CSMD1: variants seen among roughly 807,000 people sequenced by gnomAD.
CSMD1 encodes CUB and sushi domain-containing protein 1.
Under a neutral mutation model 417.5 loss-of-function variants are expected in CSMD1, and 213 were observed. That is an observed-to-expected ratio of 0.51 (90% CI 0.46 to 0.57). CSMD1 has a LOEUF of 0.57. Ranked by LOEUF, CSMD1 falls within the 20% of genes least tolerant of loss-of-function variation. CSMD1 has a pLI of 0.00. For synonymous variants in CSMD1, 2,862 were observed against 1,736.8 expected (o/e 1.65, Z -16.11); for missense variants, 6,923 against 4,529.7 (o/e 1.53, Z -15.17).
chr8:4,064,624 G>A (rs1273998055), intron 3 of CSMD1, among the ~76,000 whole-genome samples: 1 of 152,136 alleles, frequency 6.6e-6, no homozygotes, highest in African/African-American at 2.4e-5. Context: ...CCCAACACCT[G>A]TGCCTTCACA....
At chr8:4,612,290 C>G (rs144092536) in intron 2 of CSMD1, among the ~76,000 whole-genome samples, 2 of 152,192 alleles carry the variant, frequency 1.3e-5, no homozygotes, top group African/African-American at 4.8e-5. Context: ...GCTAAAACTT[C>G]AAAAATACCT....
chr8:3,096,930 C>G lies in CSMD1; in HGVS notation c.7057G>C (p.Val2353Leu), dbSNP rs1328029196. The G allele has an allele frequency of 2.6e-6, 4 of 1,556,450 alleles. No homozygotes were observed. Among genetic ancestry groups the G allele is most frequent in the Non-Finnish European group, 3.5e-6 (4 of 1,148,870 alleles). Residue 2353 changes from valine to leucine, a missense_variant, in exon 47 of 70, where the codon GTG (valine) becomes CTG (leucine). Coordinates refer to ENST00000635120, the MANE Select transcript of CSMD1 (RefSeq NM_033225.6). ...NSQTCSWSIK[V>L]EPNYNITIFV... ...ATGGTAATGTTGTAGTTTGGTTCCACTTTAATACTCCAAGAGCAAGTCTGG... is the reference window on the plus strand; with the variant it reads ...ATGGTAATGTTGTAGTTTGGTTCCAGTTTAATACTCCAAGAGCAAGTCTGG...
chr8:3,306,019 A>T (rs1021245742), intron 25 of CSMD1, among the ~76,000 whole-genome samples: 2 of 152,062 alleles, frequency 1.3e-5, no homozygotes, highest in African/African-American at 4.8e-5. Context: ...CAGAAACACC[A>T]TCCTAAGATG....
chr8:3,922,228 T>C (rs932845746), intron 5 of CSMD1, among the ~76,000 whole-genome samples: 1 of 152,126 alleles, frequency 6.6e-6, no homozygotes. Context: ...TGCATAAAAA[T>C]ATCCTTTTCT....
At chr8:3,993,096 G>T (rs1185521736) in intron 5 of CSMD1, among the ~76,000 whole-genome samples, 1 of 152,216 alleles carries the variant, frequency 6.6e-6, no homozygotes, top group Non-Finnish European at 1.5e-5. Flanking sequence ...GTCTGAAAAT[G>T]AGTTAGCAGC....
intron 5 of CSMD1, among the ~76,000 whole-genome samples, chr8:3,920,806 A>T (rs1056468987): frequency 6.6e-6 from 1 of 152,126 alleles, no homozygotes; most frequent in Admixed American, 6.6e-5. Flanking sequence ...ACAACCTTGC[A>T]TCCCAGCGAT....
chr8:3,494,600 ATAG>A (rs1173203389), intron 10 of CSMD1, among the ~76,000 whole-genome samples: 2 of 142,398 alleles, frequency 1.4e-5, no homozygotes, highest in African/African-American at 5.1e-5. Flanking sequence ...AGATAGATAG[ATAG>A]ATAGATGACA....
At chr8:4,081,396 T>C (rs1291612643) in intron 3 of CSMD1, among the ~76,000 whole-genome samples, 2 of 152,184 alleles carry the variant, frequency 1.3e-5, no homozygotes, top group African/African-American at 2.4e-5. Context: ...TAGATGATTA[T>C]AAAAGGCTTT....
chr8:3,766,834 G>T (rs956978012), intron 5 of CSMD1, among the ~76,000 whole-genome samples: 1 of 152,124 alleles, frequency 6.6e-6, no homozygotes, highest in Non-Finnish European at 1.5e-5. Flanking sequence ...CCAAGAGCCT[G>T]AAATGAGTCT....
intron 7 of CSMD1, among the ~76,000 whole-genome samples, chr8:3,631,412 G>T (rs1034044446): frequency 6.6e-6 from 1 of 152,188 alleles, no homozygotes; most frequent in Non-Finnish European, 1.5e-5. Context: ...AAGCCAGCCC[G>T]TGGCTGAGCC....
chr8:4,055,004 A>G (rs1023497761), intron 3 of CSMD1, among the ~76,000 whole-genome samples: 2 of 152,238 alleles, frequency 1.3e-5, no homozygotes, highest in African/African-American at 2.4e-5. Context: ...TGTCATATAA[A>G]TGTGTGTGAA....
intron 3 of CSMD1, among the ~76,000 whole-genome samples, chr8:4,068,259 C>T (rs1027369496): frequency 3.9e-5 from 6 of 152,038 alleles, no homozygotes; most frequent in Non-Finnish European, 5.9e-5. Flanking sequence ...AAAGGTTGCC[C>T]TCCTCGGAGA....
chr8:3,527,925 C>T (rs1797822072), intron 10 of CSMD1, among the ~76,000 whole-genome samples: 1 of 152,162 alleles, frequency 6.6e-6, no homozygotes, highest in Admixed American at 6.6e-5. Flanking sequence ...GGTTGTAGGG[C>T]AGTTCTGTGC....
At chr8:4,222,502 T>C (rs1050105240) in intron 3 of CSMD1, among the ~76,000 whole-genome samples, 1 of 152,166 alleles carries the variant, frequency 6.6e-6, no homozygotes, top group African/African-American at 2.4e-5. Context: ...ATATAGTTGT[T>C]AATATTATTA....
intron 49 of CSMD1, among the ~76,000 whole-genome samples, chr8:3,062,713 A>C (rs73181773): frequency 6.6e-6 from 1 of 152,242 alleles, no homozygotes; most frequent in Non-Finnish European, 1.5e-5. Context: ...ACAGACAAAA[A>C]AGCTATGAAA....
intron 1 of CSMD1, chr8:4,787,254 T>C (rs1266578187): frequency 5.5e-6 from 3 of 548,136 alleles, no homozygotes; most frequent in African/African-American, 3.8e-5. Context: ...CGCCCAGAGA[T>C]GCTCTCTGAT....
intron 3 of CSMD1, among the ~76,000 whole-genome samples, chr8:4,283,143 T>G (rs1315427547): frequency 1.3e-5 from 2 of 152,198 alleles, no homozygotes; most frequent in Non-Finnish European, 2.9e-5. Context: ...AACACTCAAT[T>G]GTTGGTTTTG....
At chr8:3,010,481 C>T (rs910672595) in intron 52 of CSMD1, among the ~76,000 whole-genome samples, 3 of 152,118 alleles carry the variant, frequency 2.0e-5, no homozygotes, top group Non-Finnish European at 4.4e-5. Flanking sequence ...AGGCGGCCGT[C>T]GAGAGTTCGA....
At chr8:3,381,036 T>C (rs1222109347) in intron 18 of CSMD1, among the ~76,000 whole-genome samples, 2 of 152,198 alleles carry the variant, frequency 1.3e-5, no homozygotes, top group Non-Finnish European at 2.9e-5. Context: ...ATCAAAATTA[T>C]GTATCTCAAA....
Sources: gnomAD v4.1 joint callset for allele counts (sites outside exome capture counted in the v4.1 genomes callset) on GRCh38, gnomAD v4.1.1 for gene constraint, MANE v1.5 for transcripts, NCBI Gene and HGNC (gene_info 2026-07-23, HGNC 2026-07-21) for gene names.